LUZP1: variants seen among roughly 807,000 people sequenced by gnomAD.
The protein encoded by LUZP1 is filamin mechanobinding actin cross-linking protein.
A neutral mutation model predicts 71.3 loss-of-function variants in LUZP1; 25 were observed. The observed-to-expected ratio is 0.35, with a 90% confidence interval of 0.26 to 0.49. The LOEUF is 0.49. Ranked by LOEUF, LUZP1 falls within the 20% of genes least tolerant of loss-of-function variation. LUZP1 has a pLI of 0.99. For missense variants in LUZP1, 1,142 were observed against 1,300.8 expected (o/e 0.88, Z 1.88); for synonymous variants, 481 against 506.4 (o/e 0.95, Z 0.67).
chr1:23,089,201 T>A, intron 4 of LUZP1, 148 bp from the exon 4 acceptor site: 1 of 709,014 alleles, frequency 1.4e-6, no homozygotes, highest in Non-Finnish European at 2.4e-6. Context: ...AAGATATGCT[T>A]TTGCCTGAGT....
At chr1:23,151,804 C>G (rs748084064) in intron 2 of LUZP1, among the ~76,000 whole-genome samples, 3 of 151,982 alleles carry the variant, frequency 2.0e-5, no homozygotes, top group Non-Finnish European at 2.9e-5. Context: ...GAGTTCAAGA[C>G]CAGCCTGGCC....
chr1:23,125,296 C>T (rs1032100374), intron 2 of LUZP1, among the ~76,000 whole-genome samples: 2 of 152,072 alleles, frequency 1.3e-5, no homozygotes, highest in Non-Finnish European at 2.9e-5. Context: ...TGGCTGCGAC[C>T]CCTGTAAGGA....
intron 2 of LUZP1, among the ~76,000 whole-genome samples, chr1:23,113,563 T>C (rs751277373): frequency 1.3e-5 from 2 of 151,390 alleles, no homozygotes; most frequent in South Asian, 4.2e-4. Context: ...AGAGCTATTA[T>C]AACTAAGATC....
At chr1:23,130,067 T>C (rs1174268506) in intron 2 of LUZP1, among the ~76,000 whole-genome samples, 2 of 152,236 alleles carry the variant, frequency 1.3e-5, no homozygotes, top group Non-Finnish European at 2.9e-5. Flanking sequence ...TTTCCTTCTA[T>C]GGACAGACTG....
intron 2 of LUZP1, among the ~76,000 whole-genome samples, chr1:23,143,536 AGTT>A (rs1644321553): frequency 1.3e-5 from 2 of 152,176 alleles, no homozygotes; most frequent in Non-Finnish European, 2.9e-5. Flanking sequence ...ATAGTGTTTT[AGTT>A]GCTTCAGTTG....
chr1:23,097,027 A>T lies in LUZP1; in HGVS notation c.-119-2647T>A, dbSNP rs556371836. 3.3e-5 allele frequency among the ~76,000 whole-genome samples: 5 copies of T among 152,278 alleles called. No individual in the cohort carries two copies. The East Asian group carries it at 7.7e-4, about 23-fold the overall frequency. The stretch of plus-strand genomic sequence containing the variant: ...TTCTGGAGCCTGGGAATATAAGATC[A>T]AGGCACCAGCAGGTTTAGTGTCTGC... On this transcript the variant is annotated intron_variant, in intron 3 of 4. Coordinates refer to ENST00000302291, the Ensembl canonical transcript of LUZP1.
intron 2 of LUZP1, among the ~76,000 whole-genome samples, chr1:23,152,938 C>A (rs1369360603): frequency 6.6e-6 from 1 of 152,090 alleles, no homozygotes; most frequent in Admixed American, 6.5e-5. Context: ...CAATATATTC[C>A]TTTTTCTTCC....
At chr1:23,164,363 C>T (rs4489524) in intron 2 of LUZP1, among the ~76,000 whole-genome samples, 8,384 of 151,926 alleles carry the variant, frequency 0.055, 288 homozygotes, top group Non-Finnish European at 0.084. Context: ...GGCATGGTGG[C>T]GGGTGCCTGT....
chr1:23,172,342 C>T (rs190638949), intron 1 of LUZP1, among the ~76,000 whole-genome samples: 15 of 152,120 alleles, frequency 9.9e-5, no homozygotes, highest in African/African-American at 3.6e-4. Context: ...TTAGTATATG[C>T]ATAGAAAAAT....
At chr1:23,152,692 G>A (rs548875588) in intron 2 of LUZP1, among the ~76,000 whole-genome samples, 10 of 151,966 alleles carry the variant, frequency 6.6e-5, no homozygotes, top group African/African-American at 2.2e-4. Context: ...CACCATGCCC[G>A]GCTACTTTTT....
intron 3 of LUZP1, among the ~76,000 whole-genome samples, chr1:23,104,120 TC>T (rs1643960016): frequency 6.6e-6 from 1 of 151,778 alleles, no homozygotes; most frequent in Non-Finnish European, 1.5e-5. Context: ...TTCCCTTATC[TC>T]CTTTCCTTCC....
exon 5 of LUZP1, chr1:23,084,886 A>C (rs983484754): frequency 6.6e-6 from 1 of 152,630 alleles, no homozygotes; most frequent in African/African-American, 2.4e-5. Flanking sequence ...AATATACTAG[A>C]GCTGCGCCAA....
At chr1:23,132,394 C>T (rs1237976071) in intron 2 of LUZP1, among the ~76,000 whole-genome samples, 1 of 152,042 alleles carries the variant, frequency 6.6e-6, no homozygotes, top group African/African-American at 2.4e-5. Flanking sequence ...ACCTGCAGGG[C>T]ACCATATAAA....
At chr1:23,162,859 C>G (rs191028847) in intron 2 of LUZP1, 1 of 152,172 alleles carries the variant, frequency 6.6e-6, no homozygotes, top group African/African-American at 2.4e-5. Context: ...GGGGCACATG[C>G]AAATACGGCA....
upstream of LUZP1, chr1:23,177,835 G>T (rs1286951574): frequency 6.6e-6 from 1 of 152,310 alleles, no homozygotes; most frequent in Non-Finnish European, 1.5e-5. Flanking sequence ...CAGGCAGGGC[G>T]TTCCCGCCAG....
At chr1:23,174,118 TC>T (rs1644569624) in intron 1 of LUZP1, among the ~76,000 whole-genome samples, 4 of 152,054 alleles carry the variant, frequency 2.6e-5, no homozygotes, top group Non-Finnish European at 5.9e-5. Context: ...AGTCCCACAA[TC>T]TGCCTTTTGC....
chr1:23,089,477 C>G (rs1287160344), intron 4 of LUZP1, among the ~76,000 whole-genome samples: 3 of 152,180 alleles, frequency 2.0e-5, no homozygotes, highest in Non-Finnish European at 4.4e-5. Context: ...CTCTCTTCCT[C>G]CTTCCCACAT....
intron 2 of LUZP1, among the ~76,000 whole-genome samples, chr1:23,113,894 A>G (rs1644056352): frequency 6.6e-6 from 1 of 152,172 alleles, no homozygotes; most frequent in African/African-American, 2.4e-5. Flanking sequence ...AAGAAAAAAA[A>G]AAAAGAAAAT....
At chr1:23,172,186 G>C (rs939810349) in intron 1 of LUZP1, among the ~76,000 whole-genome samples, 5 of 152,290 alleles carry the variant, frequency 3.3e-5, no homozygotes, top group South Asian at 2.1e-4. Context: ...CTCCCAGCAA[G>C]ACCTCCATTA....
Sources: allele counts gnomAD v4.1 joint callset (sites outside exome capture counted in the v4.1 genomes callset), GRCh38; gene constraint gnomAD v4.1.1; transcripts MANE v1.5; gene names NCBI Gene and HGNC (gene_info 2026-07-23, HGNC 2026-07-21).